The following PADI4 variants were observed in gnomAD, a reference collection of about 807,000 sequenced individuals.
The protein encoded by PADI4 is peptidyl arginine deiminase 4, also known as protein-arginine deiminase type-4.
PADI4 carries 62 observed loss-of-function variants against 75.0 expected under a neutral mutation model. The observed-to-expected ratio is 0.83, with a 90% CI of 0.67 to 1.02. The LOEUF (loss-of-function observed/expected upper bound fraction) is 1.02. Ranked by LOEUF, PADI4 falls within the 50% of genes least tolerant of loss-of-function variation. PADI4 has a pLI of 0.00. For missense variants in PADI4, 845 were observed against 850.5 expected, an observed-to-expected ratio of 0.99 and a Z score of 0.08; for synonymous variants, 361 against 348.1, an observed-to-expected ratio of 1.04 and a Z score of -0.41.
At chr1:17,345,094 C>G (rs1029569135) in intron 8 of PADI4, among the ~76,000 whole-genome samples, 7 of 152,234 alleles carry the variant, frequency 4.6e-5, no homozygotes, top group Non-Finnish European at 8.8e-5. Context: ...ACCATGGGAA[C>G]CCACCTCTTG....
chr1:17,361,992 T>G (rs911554809), intron 15 of PADI4, among the ~76,000 whole-genome samples: 3 of 152,140 alleles, frequency 2.0e-5, no homozygotes, highest in African/African-American at 7.2e-5. Flanking sequence ...GGGGCTGCCA[T>G]CTGAGCTGGG....
intron 10 of PADI4, among the ~76,000 whole-genome samples, chr1:17,351,992 A>G (rs371981927): frequency 0.038 from 1,051 of 27,342 alleles, 104 homozygotes; most frequent in Middle Eastern, 0.087. Flanking sequence ...GAGGAGAGGC[A>G]GTCAGGGAGG....
At chr1:17,353,438 G>A (rs968618735) in intron 10 of PADI4, among the ~76,000 whole-genome samples, 1 of 152,122 alleles carries the variant, frequency 6.6e-6, no homozygotes, top group Non-Finnish European at 1.5e-5. Context: ...GAAGATCACA[G>A]ACCTCCTTAA....
rs536986062 is a variant in PADI4 at position 17,347,544 on chromosome 1, C to T, written c.1048-397C>T. Reference sequence around the variant, plus strand: ...ACAGGTCTTCTCTGGCCCATCCTAGCTGCATCAGGAGCCCCTCCTCTGTGT... The same window carrying T: ...ACAGGTCTTCTCTGGCCCATCCTAGTTGCATCAGGAGCCCCTCCTCTGTGT... On this transcript the variant is annotated intron_variant, in intron 9 of 15. Transcript: ENST00000375448. 3.3e-5 allele frequency among the ~76,000 whole-genome samples: 5 copies of T among 152,250 alleles called. No homozygotes were observed. In the East Asian group the frequency reaches 7.8e-4, roughly 24 times the overall value.
At chr1:17,358,995 G>T in intron 14 of PADI4, 87 bp downstream of exon 14, 1 of 889,882 alleles carries the variant, frequency 1.1e-6, no homozygotes, top group East Asian at 2.6e-5. Flanking sequence ...GCACACAGAG[G>T]CTCAGGGTCT....
chr1:17,334,065 C>A, intron 3 of PADI4, 56 bp downstream of exon 3: 1 of 1,076,060 alleles, frequency 9.3e-7, no homozygotes, highest in Non-Finnish European at 1.5e-6. Flanking sequence ...ACCTCCTAAT[C>A]CCTGCAGGAT....
intron 9 of PADI4, among the ~76,000 whole-genome samples, chr1:17,347,735 C>G (rs1040167135): frequency 6.6e-6 from 1 of 152,250 alleles, no homozygotes; most frequent in African/African-American, 2.4e-5. Flanking sequence ...GGCACTCCTG[C>G]AGGCTCATGG....
intron 1 of PADI4, among the ~76,000 whole-genome samples, chr1:17,310,928 C>A (rs1449769497): frequency 6.6e-6 from 1 of 152,086 alleles, no homozygotes; most frequent in African/African-American, 2.4e-5. Context: ...GAAACGCCGT[C>A]TCTACTAAAA....
At chr1:17,362,452 T>C (rs1570106214) in intron 15 of PADI4, among the ~76,000 whole-genome samples, 1 of 151,816 alleles carries the variant, frequency 6.6e-6, no homozygotes, top group East Asian at 1.9e-4. Context: ...AATCAAATAC[T>C]GCATGTTCTC....
intron 1 of PADI4, 102 bp from the exon 2 acceptor site, chr1:17,330,867 A>G (rs1361620247): frequency 2.7e-6 from 2 of 736,568 alleles, no homozygotes; most frequent in Non-Finnish European, 4.4e-6. Flanking sequence ...AAACAAGCTG[A>G]CACCTAATAT....
chr1:17,331,296 G>A, intron 2 of PADI4, 147 bp downstream of exon 2: 1 of 654,492 alleles, frequency 1.5e-6, no homozygotes, highest in Non-Finnish European at 2.6e-6. Context: ...CAGCCATAGT[G>A]TCCTTGGGGA....
chr1:17,321,435 C>A (rs1409060194), intron 1 of PADI4, among the ~76,000 whole-genome samples: 1 of 152,244 alleles, frequency 6.6e-6, no homozygotes, highest in East Asian at 1.9e-4. Context: ...CTCTGTGCCT[C>A]AGTTTACTCA....
intron 4 of PADI4, among the ~76,000 whole-genome samples, chr1:17,336,925 G>A (rs1200733167): frequency 2.6e-5 from 4 of 152,302 alleles, no homozygotes; most frequent in South Asian, 2.1e-4. Context: ...GCTCTCCCGC[G>A]AAGGGAGGCG....
chr1:17,334,398 G>A (rs1432375597), intron 3 of PADI4: 1 of 461,268 alleles, frequency 2.2e-6, no homozygotes, highest in Non-Finnish European at 4.5e-6. Flanking sequence ...CGTCTCCCAG[G>A]TTCAAGCGAT....
intron 15 of PADI4, among the ~76,000 whole-genome samples, chr1:17,360,241 A>G (rs1474269604): frequency 1.3e-5 from 2 of 151,866 alleles, no homozygotes; most frequent in Non-Finnish European, 2.9e-5. Flanking sequence ...CAGTGAGCCA[A>G]GATCATGCTA....
At chr1:17,345,102 T>C (rs555633717) in intron 8 of PADI4, among the ~76,000 whole-genome samples, 11 of 152,236 alleles carry the variant, frequency 7.2e-5, no homozygotes, top group Non-Finnish European at 1.6e-4. Context: ...AACCCACCTC[T>C]TGTGTCAGCA....
At chr1:17,352,199 TGG>T (rs2074671679) in intron 10 of PADI4, among the ~76,000 whole-genome samples, 3 of 104,566 alleles carry the variant, frequency 2.9e-5, no homozygotes, top group Admixed American at 2.7e-4. Flanking sequence ...AGGGAGGAGA[TGG>T]GAGGTGGTAA....
intron 13 of PADI4, among the ~76,000 whole-genome samples, chr1:17,357,159 A>C (rs1164526114): frequency 2.6e-5 from 4 of 152,128 alleles, no homozygotes; most frequent in African/African-American, 9.7e-5. Context: ...TAAACCTGTT[A>C]AATTTTTCTG....
At chr1:17,329,298 C>G (rs2074167971) in intron 1 of PADI4, among the ~76,000 whole-genome samples, 1 of 149,472 alleles carries the variant, frequency 6.7e-6, no homozygotes, top group African/African-American at 2.5e-5. Flanking sequence ...TGCACTCCAG[C>G]CTGGGCGACA....
Sources: gnomAD v4.1 joint callset for allele counts (sites outside exome capture counted in the v4.1 genomes callset) on GRCh38, gnomAD v4.1.1 for gene constraint, MANE v1.5 for transcripts, NCBI Gene and HGNC (gene_info 2026-07-23, HGNC 2026-07-21) for gene names.